PPFIA2: variants seen among roughly 807,000 people sequenced by gnomAD.
PPFIA2 encodes liprin-alpha-2.
PPFIA2 carries 46 observed loss-of-function variants against 175.5 expected under a neutral mutation model. That is an observed-to-expected ratio of 0.26 (90% confidence interval 0.21 to 0.34). PPFIA2 has a LOEUF of 0.34. Among genes scored for constraint, PPFIA2 ranks in the 10% least tolerant of loss-of-function variants. The pLI is 1.00. For missense variants in PPFIA2, 1,179 were observed against 1,506.1 expected, an observed-to-expected ratio of 0.78 and a Z score of 3.60; for synonymous variants, 568 against 511.4, an observed-to-expected ratio of 1.11 and a Z score of -1.49.
At chr12:81,448,982 G>A (rs2051873483) in intron 5 of PPFIA2, among the ~76,000 whole-genome samples, 2 of 152,108 alleles carry the variant, frequency 1.3e-5, no homozygotes, top group Admixed American at 1.3e-4. Context: ...ATAGTACTAT[G>A]GACAATAAAA....
chr12:81,599,992 T>C (rs559019953), intron 4 of PPFIA2, among the ~76,000 whole-genome samples: 1 of 152,110 alleles, frequency 6.6e-6, no homozygotes, highest in East Asian at 1.9e-4. Context: ...ACATTATTAA[T>C]GATGTCAACC....
intron 4 of PPFIA2, chr12:81,597,973 C>A: frequency 1.3e-6 from 2 of 1,535,018 alleles, no homozygotes; most frequent in Non-Finnish European, 1.7e-6. Flanking sequence ...AAAACCGGGT[C>A]CCATTAGGAG....
intron 6 of PPFIA2, among the ~76,000 whole-genome samples, chr12:81,443,577 G>A (rs932843448): frequency 3.3e-5 from 5 of 151,990 alleles, no homozygotes; most frequent in Admixed American, 6.6e-5. Flanking sequence ...TGTCTTAAAT[G>A]CTGTTTATTA....
intron 4 of PPFIA2, among the ~76,000 whole-genome samples, chr12:81,536,946 T>A (rs1016240106): frequency 6.6e-6 from 1 of 151,168 alleles, no homozygotes; most frequent in African/African-American, 2.4e-5. Context: ...TTTTTAAAAT[T>A]CATGATAAGT....
intron 13 of PPFIA2, 115 bp from the exon 14 acceptor site, chr12:81,367,285 G>A (rs2033771023): frequency 2.8e-6 from 2 of 714,136 alleles, no homozygotes; most frequent in Middle Eastern, 5.3e-4. Context: ...CTTAGTTCAG[G>A]TATTTCTTGG....
At chr12:81,360,568 G>A (rs1022815388) in intron 15 of PPFIA2, among the ~76,000 whole-genome samples, 1 of 151,530 alleles carries the variant, frequency 6.6e-6, no homozygotes, top group African/African-American at 2.4e-5. Flanking sequence ...TCTTAGATGA[G>A]ATATTAAGAG....
chr12:81,301,193 G>T (rs114656269), intron 22 of PPFIA2, among the ~76,000 whole-genome samples: 1,659 of 152,074 alleles, frequency 0.011, 28 homozygotes, highest in African/African-American at 0.037. Flanking sequence ...GGGAGGTATG[G>T]AACTTAACAT....
chr12:81,637,951 ATACT>A (rs1224822140), intron 4 of PPFIA2, among the ~76,000 whole-genome samples: 7 of 152,190 alleles, frequency 4.6e-5, no homozygotes, highest in African/African-American at 1.4e-4. Context: ...TAATAATAAA[ATACT>A]TACTCCCTTT....
At chr12:81,438,582 T>A (rs1269705938) in intron 7 of PPFIA2, among the ~76,000 whole-genome samples, 1 of 152,232 alleles carries the variant, frequency 6.6e-6, no homozygotes, top group Non-Finnish European at 1.5e-5. Flanking sequence ...ATAATGTATA[T>A]GTAAACATTA....
intron 7 of PPFIA2, among the ~76,000 whole-genome samples, chr12:81,427,146 C>A (rs1182057785): frequency 6.6e-6 from 1 of 151,678 alleles, no homozygotes; most frequent in African/African-American, 2.4e-5. Context: ...ATGAAGATAT[C>A]ATGATGGATT....
chr12:81,701,625 C>T (rs1463536344), intron 3 of PPFIA2, among the ~76,000 whole-genome samples: 1 of 151,960 alleles, frequency 6.6e-6, no homozygotes, highest in Non-Finnish European at 1.5e-5. Flanking sequence ...TTATAACTGA[C>T]TAAATGGGTT....
At chr12:81,713,091 C>A (rs2078156406) in intron 3 of PPFIA2, among the ~76,000 whole-genome samples, 1 of 150,954 alleles carries the variant, frequency 6.6e-6, no homozygotes, top group Non-Finnish European at 1.5e-5. Flanking sequence ...TGATACATAG[C>A]CATGATTAAT....
chr12:81,732,803 C>A (rs571831166), intron 3 of PPFIA2, among the ~76,000 whole-genome samples: 185 of 151,432 alleles, frequency 1.2e-3, no homozygotes, highest in Admixed American at 3.2e-3. Flanking sequence ...ATGATAAAGA[C>A]CATCGACCTA....
At chr12:81,684,662 A>G (rs1025652383) in intron 3 of PPFIA2, among the ~76,000 whole-genome samples, 16 of 152,146 alleles carry the variant, frequency 1.1e-4, no homozygotes, top group African/African-American at 3.9e-4. Context: ...TGAATAAACT[A>G]ATAAATGACT....
chr12:81,564,669 A>T (rs2070915813), intron 4 of PPFIA2, among the ~76,000 whole-genome samples: 2 of 152,206 alleles, frequency 1.3e-5, no homozygotes, highest in Non-Finnish European at 2.9e-5. Context: ...AGAGGCAAGC[A>T]GTTTACTGAC....
At chr12:81,601,322 C>T (rs745307812) in intron 4 of PPFIA2, among the ~76,000 whole-genome samples, 2 of 151,768 alleles carry the variant, frequency 1.3e-5, no homozygotes, top group South Asian at 4.1e-4. Context: ...TATTTGGAAA[C>T]AACTCAATTT....
At position 81,386,620 on chromosome 12, in the gene PPFIA2, CA is replaced by C. The variant is rs2039030589; in HGVS notation, c.763-2377del. Among the ~76,000 whole-genome samples, 2 of 151,250 alleles carry C rather than the reference CA, an allele frequency of 1.3e-5. 1 individual carries two copies. Among genetic ancestry groups the C allele is most frequent in the South Asian group, 4.2e-4 (2 of 4,776 alleles). On this transcript the variant is annotated intron_variant, in intron 8 of 32. Coordinates refer to ENST00000549396, the MANE Select transcript of PPFIA2 (RefSeq NM_003625.5). ...CTGGGTGAAAGAGTGAGGCTCTGAC[CA>C]ATAGTAATAATGATAATAATAATAA... is the stretch of plus-strand genomic sequence containing the variant.
intron 4 of PPFIA2, among the ~76,000 whole-genome samples, chr12:81,646,689 T>C (rs1362099600): frequency 6.6e-6 from 1 of 152,244 alleles, no homozygotes; most frequent in Non-Finnish European, 1.5e-5. Context: ...TTTCACTGAA[T>C]GTGTCCATAG....
At chr12:81,421,402 A>T (rs1405442965) in intron 7 of PPFIA2, among the ~76,000 whole-genome samples, 1 of 152,100 alleles carries the variant, frequency 6.6e-6, no homozygotes, top group Non-Finnish European at 1.5e-5. Context: ...GGGCAGAGTA[A>T]AAAGGGGAGT....
Sources: allele counts gnomAD v4.1 joint callset (sites outside exome capture counted in the v4.1 genomes callset), GRCh38; gene constraint gnomAD v4.1.1; transcripts MANE v1.5; gene names NCBI Gene and HGNC (gene_info 2026-07-23, HGNC 2026-07-21).